PLEKHD1: variants seen among roughly 807,000 people sequenced by gnomAD.
PLEKHD1 encodes the protein pleckstrin homology and coiled-coil domain containing D1, also known as pleckstrin homology domain-containing family D member 1.
PLEKHD1 carries 51 observed loss-of-function variants against 69.2 expected under a neutral mutation model. The ratio of observed to expected loss-of-function variants is 0.74; its 90% CI spans 0.59 to 0.93. The LOEUF (loss-of-function observed/expected upper bound fraction) is 0.93, where lower values mean the gene tolerates loss of function less well. Among genes scored for constraint, PLEKHD1 ranks in the 40% least tolerant of loss-of-function variants. The pLI is 0.00. For missense variants in PLEKHD1, 584 were observed against 641.0 expected, an observed-to-expected ratio of 0.91 and a Z score of 0.96; for synonymous variants, 236 against 244.7, an observed-to-expected ratio of 0.96 and a Z score of 0.33.
intron 8 of PLEKHD1, among the ~76,000 whole-genome samples, chr14:69,525,689 GA>G (rs2139532381): frequency 6.6e-6 from 1 of 152,244 alleles, no homozygotes; most frequent in South Asian, 2.1e-4. Context: ...AAGATCATGC[GA>G]CCCCGTTCTA....
In PLEKHD1 at chr14:69,528,585, A is replaced by C; in HGVS notation, c.*166A>C. 2.1e-6 allele frequency: 2 copies of C among 944,540 alleles called. No homozygotes were observed. The highest frequency in any genetic ancestry group is 1.7e-5 in the South Asian group (1 of 57,358). The allele number at this position is 944,540 out of a possible 1,614,324, so 58.5% of individuals were successfully genotyped here. ...GGGGCCAGCCTTGCCCTCAAAGGACATGGACGCTGCCTTCCTCATCCTCAC... is the reference window on the plus strand; with the variant it reads ...GGGGCCAGCCTTGCCCTCAAAGGACCTGGACGCTGCCTTCCTCATCCTCAC... On this transcript the variant is annotated 3_prime_UTR_variant, in exon 13 of 13. Coordinates refer to ENST00000322564, the MANE Select transcript of PLEKHD1 (RefSeq NM_001161498.2).
rs548566657 is a variant in PLEKHD1, at chr14:69,527,706, G to T, written c.1202-77G>T. ...AATATTTCCCACTCAATCTCACCAG[G>T]ATCCTTGGGAAGGGAGGGACTGGCT... On this transcript the variant is annotated intron_variant, in intron 11 of 12. Coordinates refer to ENST00000322564, the MANE Select transcript of PLEKHD1 (RefSeq NM_001161498.2). 4.7e-6 allele frequency: 7 copies of T among 1,499,780 alleles called. No individual in the cohort carries two copies. In the East Asian group the frequency reaches 1.5e-4, roughly 32 times the overall value. The allele number at this position is 1,499,780 out of a possible 1,614,324, so 92.9% of individuals were successfully genotyped here. A position where few individuals can be genotyped will look rare whatever the true frequency, so the allele number is the denominator to read the frequency against.
Position 69,527,182 on chromosome 14 carries a change from C to A in PLEKHD1, c.1057-6C>A. 6.5e-7 allele frequency: 1 copy of A among 1,538,486 alleles called. No individual in the cohort carries two copies. The highest frequency in any genetic ancestry group is 8.8e-7 in the Non-Finnish European group (1 of 1,141,754). ...TTCCTTCTCATTTCCCTCTCCTCAACCTCAGGCTGAGGTGAAGGTCCGCAT... is the reference window on the plus strand; with the variant it reads ...TTCCTTCTCATTTCCCTCTCCTCAAACTCAGGCTGAGGTGAAGGTCCGCAT... On this transcript the variant is annotated splice_region_variant and splice_polypyrimidine_tract_variant and intron_variant, in intron 10 of 12. Coordinates refer to ENST00000322564, the MANE Select transcript of PLEKHD1 (RefSeq NM_001161498.2).
At chr14:69,503,153 G>T (rs1030929726) in intron 6 of PLEKHD1, 5 of 468,390 alleles carry the variant, frequency 1.1e-5, no homozygotes, top group Non-Finnish European at 7.9e-6. Flanking sequence ...GTCATCAGCT[G>T]CATCAGTTGG....
In PLEKHD1 at chr14:69,527,281, C is replaced by T. The variant is rs367823911; in HGVS notation, c.1150C>T (p.Arg384Trp). 55 of 1,551,602 alleles carry T rather than the reference C, an allele frequency of 3.5e-5. No individual in the cohort carries two copies. The highest frequency in any genetic ancestry group is 4.2e-5 in the Non-Finnish European group (48 of 1,147,000). The stretch of plus-strand genomic sequence containing the variant: ...GGAACAGGGGCTGAATTCCAAGGTG[C>T]GGAATAAGGAGAAGGAGGAGAGGAT... ...SLEQGLNSKVRNKEKEERMRA... is the reference protein window; with the variant it reads ...SLEQGLNSKVWNKEKEERMRA... The change falls in exon 11 of 13, where the codon CGG becomes TGG. Residue 384 changes from arginine to tryptophan, a missense_variant. Arg to Trp is a moderately radical substitution (Grantham distance 101, BLOSUM62 -3). Transcript: ENST00000322564.
the PLEKHD1 span, among the ~76,000 whole-genome samples, chr14:69,467,925 A>C: frequency 1.8e-4 from 27 of 152,380 alleles, no homozygotes; most frequent in East Asian, 5.2e-3. Flanking sequence ...AACAGGAGTT[A>C]CATCTTCAAC....
intron 6 of PLEKHD1, among the ~76,000 whole-genome samples, chr14:69,505,384 C>G (rs945516761): frequency 2.6e-5 from 4 of 152,348 alleles, no homozygotes; most frequent in African/African-American, 9.6e-5. Flanking sequence ...CTTTTCCCAT[C>G]TGCACTCAGG....
chr14:69,503,951 G>A (rs537371182), intron 6 of PLEKHD1, among the ~76,000 whole-genome samples: 2 of 152,216 alleles, frequency 1.3e-5, no homozygotes, highest in African/African-American at 4.8e-5. Context: ...TAAGGGCAGG[G>A]GGCGGTAGTG....
chr14:69,506,887 A>G (rs1883162026), intron 6 of PLEKHD1, among the ~76,000 whole-genome samples: 1 of 121,364 alleles, frequency 8.2e-6, no homozygotes, highest in Non-Finnish European at 1.6e-5. Context: ...AATCCTGGCA[A>G]CTGCTTTTTT....
intron 6 of PLEKHD1, among the ~76,000 whole-genome samples, chr14:69,519,140 G>A (rs184087680): frequency 3.3e-5 from 5 of 152,152 alleles, no homozygotes; most frequent in Non-Finnish European, 5.9e-5. Context: ...GAAATAGAAC[G>A]CTCTCATTGA....
In PLEKHD1 at chr14:69,528,147, G is replaced by A. The variant is rs915520922; in HGVS notation, c.1352-103G>A. 5 of 1,447,034 alleles carry A rather than the reference G, an allele frequency of 3.5e-6. No individual in the cohort carries two copies. In the African/African-American group the frequency reaches 5.7e-5, roughly 16 times the overall value. The allele number at this position is 1,447,034 out of a possible 1,614,324, so 89.6% of individuals were successfully genotyped here. On this transcript the variant is annotated intron_variant, in intron 12 of 12. Transcript: ENST00000322564. ...TGTGGGAAGGGGCTGGAAGAAGCTT[G>A]GCACACATAAAGGAGTGAGGGGGTG...
At chr14:69,502,965 G>A (rs1883063968) in intron 6 of PLEKHD1, 86 bp downstream of exon 6, 13 of 1,485,002 alleles carry the variant, frequency 8.8e-6, no homozygotes, top group South Asian at 1.2e-5. Flanking sequence ...GGAGCTGGGT[G>A]CACAGAGGAC....
chr14:69,512,324 C>A (rs770142707), intron 6 of PLEKHD1, among the ~76,000 whole-genome samples: 1 of 151,936 alleles, frequency 6.6e-6, no homozygotes, highest in Non-Finnish European at 1.5e-5. Context: ...TTTTATTTAT[C>A]TTTTCAAAGA....
At position 69,524,295 on chromosome 14, in the gene PLEKHD1, C is replaced by G; in HGVS notation, c.717C>G (p.Leu239=). ...AAGAGAAAAAGGAACTGAGGCACCT[C>G]ACGGAGTCCTTGCAGCAGACACTGG... ...VEQEKKELRH[L]TESLQQTLEE... Residue 239 remains leucine (L), a synonymous_variant, in exon 8 of 13, where the codon CTC becomes CTG. Transcript: ENST00000322564. 6.4e-7 allele frequency: 1 copy of G among 1,551,598 alleles called. No homozygotes were observed. Among genetic ancestry groups the G allele is most frequent in the Non-Finnish European group, 8.7e-7 (1 of 1,146,930 alleles).
At chr14:69,489,739 T>C (rs1055549831) in intron 1 of PLEKHD1, among the ~76,000 whole-genome samples, 3 of 152,100 alleles carry the variant, frequency 2.0e-5, no homozygotes, top group African/African-American at 7.2e-5. Context: ...GGTCAAACTG[T>C]GTGCCACAAA....
intron 8 of PLEKHD1, among the ~76,000 whole-genome samples, chr14:69,525,516 T>C (rs544845008): frequency 6.6e-6 from 1 of 152,254 alleles, no homozygotes; most frequent in East Asian, 1.9e-4. Context: ...AGGTTCTAGC[T>C]GTGTTGCCAA....
chr14:69,506,060 C>CA (rs1328702109), intron 6 of PLEKHD1, among the ~76,000 whole-genome samples: 1 of 152,218 alleles, frequency 6.6e-6, no homozygotes, highest in African/African-American at 2.4e-5. Context: ...TGCTCACAGT[C>CA]AGAGTACAGA....
intron 1 of PLEKHD1, among the ~76,000 whole-genome samples, chr14:69,494,998 G>T (rs189202828): frequency 6.6e-6 from 1 of 152,148 alleles, no homozygotes; most frequent in East Asian, 1.9e-4. Flanking sequence ...CCCCTCCCTT[G>T]ACCCCCATCT....
chr14:69,526,153 T>C (rs1031025106), intron 9 of PLEKHD1, 31 bp downstream of exon 9: 29 of 1,528,372 alleles, frequency 1.9e-5, no homozygotes, highest in Non-Finnish European at 2.4e-5. Context: ...GAAGACACCA[T>C]TGACTTTGGG....
Sources: gnomAD v4.1 joint callset for allele counts (sites outside exome capture counted in the v4.1 genomes callset) on GRCh38, gnomAD v4.1.1 for gene constraint, MANE v1.5 for transcripts, NCBI Gene and HGNC (gene_info 2026-07-23, HGNC 2026-07-21) for gene names.